SETBP1: variants seen among roughly 807,000 people sequenced by gnomAD.
SETBP1 encodes the protein SET-binding protein.
A neutral mutation model predicts 101.0 loss-of-function variants in SETBP1; 9 were observed. That is an observed-to-expected ratio of 0.09 (90% CI 0.05 to 0.16). SETBP1 has a LOEUF of 0.16. Ranked by LOEUF, SETBP1 falls within the 10% of genes least tolerant of loss-of-function variation. The probability of loss-of-function intolerance (pLI) is 1.00; values close to 1 mark genes in which losing one functional copy is unlikely to be tolerated. For missense variants in SETBP1, 1,858 were observed against 2,033.8 expected (o/e 0.91, Z 1.66); for synonymous variants, 818 against 788.5 (o/e 1.04, Z -0.63).
At chr18:45,009,931 GTCCTT>G (rs1346589196) in intron 4 of SETBP1, among the ~76,000 whole-genome samples, 1 of 152,132 alleles carries the variant, frequency 6.6e-6, no homozygotes, top group Non-Finnish European at 1.5e-5. Context: ...TTAATCACGT[GTCCTT>G]TCCTCTGATC....
chr18:45,012,161 T>C (rs2072852284), intron 4 of SETBP1, among the ~76,000 whole-genome samples: 1 of 152,130 alleles, frequency 6.6e-6, no homozygotes, highest in Non-Finnish European at 1.5e-5. Flanking sequence ...ATGACCGTCA[T>C]GAAGGAAGAG....
intron 3 of SETBP1, among the ~76,000 whole-genome samples, chr18:44,906,137 C>G (rs894104347): frequency 6.6e-6 from 1 of 152,146 alleles, no homozygotes; most frequent in Non-Finnish European, 1.5e-5. Context: ...TCACTAATAC[C>G]AAGTAAAGAC....
chr18:44,918,026 T>C (rs2070483174), intron 3 of SETBP1, among the ~76,000 whole-genome samples: 1 of 152,134 alleles, frequency 6.6e-6, no homozygotes, highest in South Asian at 2.1e-4. Flanking sequence ...CATGCCGCCC[T>C]CGGTTTGTAT....
intron 4 of SETBP1, among the ~76,000 whole-genome samples, chr18:45,029,725 T>C (rs1409916898): frequency 3.9e-5 from 6 of 152,188 alleles, no homozygotes; most frequent in Non-Finnish European, 5.9e-5. Flanking sequence ...AGGTCCTTCA[T>C]ATCACTTGTA....
chr18:44,963,981 G>GA (rs978859045), intron 4 of SETBP1, among the ~76,000 whole-genome samples: 61 of 86,646 alleles, frequency 7.0e-4, no homozygotes, highest in Admixed American at 4.7e-3. Flanking sequence ...AGAGATCCAT[G>GA]AAAAAAAAAC....
chr18:44,874,406 A>C (rs1032102906), intron 3 of SETBP1, among the ~76,000 whole-genome samples: 3 of 152,186 alleles, frequency 2.0e-5, no homozygotes, highest in African/African-American at 4.8e-5. Context: ...AAGAGTCAGA[A>C]CTGTGATAGA....
chr18:44,987,161 T>A (rs1466167161), intron 4 of SETBP1: 2 of 151,652 alleles, frequency 1.3e-5, no homozygotes, highest in African/African-American at 4.9e-5. Flanking sequence ...ATTTTAGGAG[T>A]TTTTCAGTTT....
In SETBP1 at chr18:44,799,639, G is replaced by C. The variant is rs534965355; in HGVS notation, c.487-69591G>C. 4.6e-5 allele frequency among the ~76,000 whole-genome samples: 7 copies of C among 152,308 alleles called. No individual in the cohort carries two copies. In the South Asian group the frequency reaches 1.4e-3, roughly 32 times the overall value. On this transcript the variant is annotated intron_variant, in intron 2 of 5. Coordinates refer to ENST00000649279, the MANE Select transcript of SETBP1 (RefSeq NM_015559.3). ...CACTAGGCTTGAAGAAGGAGGATCA[G>C]TTTCAGAATGTGTAGGTTTGCTGGG... is the stretch of plus-strand genomic sequence containing the variant.
At chr18:44,977,530 G>A (rs1237617306) in intron 4 of SETBP1, among the ~76,000 whole-genome samples, 1 of 152,202 alleles carries the variant, frequency 6.6e-6, no homozygotes, top group Admixed American at 6.5e-5. Flanking sequence ...CACTAGACTT[G>A]GAATTACCCT....
At chr18:44,867,647 AG>A (rs1183344252) in intron 2 of SETBP1, among the ~76,000 whole-genome samples, 1 of 151,644 alleles carries the variant, frequency 6.6e-6, no homozygotes, top group Non-Finnish European at 1.5e-5. Flanking sequence ...TTATCATCAG[AG>A]GGGTCAAACC....
upstream of SETBP1, among the ~76,000 whole-genome samples, chr18:44,680,592 C>A (rs1017090959): frequency 1.3e-5 from 2 of 152,050 alleles, no homozygotes; most frequent in African/African-American, 4.8e-5. Context: ...CCGGTCCGGG[C>A]GAGGTTGCAG....
chr18:44,738,548 C>G (rs919329219), intron 2 of SETBP1, among the ~76,000 whole-genome samples: 1 of 152,094 alleles, frequency 6.6e-6, no homozygotes, highest in Admixed American at 6.5e-5. Context: ...CCGAGGCAGG[C>G]AGATCACCTG....
At chr18:44,999,632 C>G (rs1329655703) in intron 4 of SETBP1, among the ~76,000 whole-genome samples, 1 of 152,108 alleles carries the variant, frequency 6.6e-6, no homozygotes, top group African/African-American at 2.4e-5. Flanking sequence ...TCGCAACGAC[C>G]CTTCTTACTA....
intron 2 of SETBP1, among the ~76,000 whole-genome samples, chr18:44,774,603 T>C (rs1189630609): frequency 7.2e-5 from 11 of 152,072 alleles, no homozygotes; most frequent in Admixed American, 3.9e-4. Flanking sequence ...TGGCAGTAGA[T>C]GATTTGTGGA....
intron 2 of SETBP1, among the ~76,000 whole-genome samples, chr18:44,734,025 A>G (rs574855512): frequency 9.2e-5 from 14 of 152,260 alleles, no homozygotes; most frequent in Admixed American, 6.5e-4. Context: ...GGAGTGAGTA[A>G]TGATGGGGGC....
At chr18:44,805,628 G>C (rs1294856528) in intron 2 of SETBP1, among the ~76,000 whole-genome samples, 2 of 152,076 alleles carry the variant, frequency 1.3e-5, no homozygotes, top group African/African-American at 4.8e-5. Flanking sequence ...TCCATGGTCT[G>C]TTAAACTGTT....
At chr18:44,826,129 T>G (rs565731181) in intron 2 of SETBP1, among the ~76,000 whole-genome samples, 1 of 152,208 alleles carries the variant, frequency 6.6e-6, no homozygotes, top group Non-Finnish European at 1.5e-5. Flanking sequence ...CAGAGGCCAA[T>G]AGAGTTCAAA....
intron 2 of SETBP1, among the ~76,000 whole-genome samples, chr18:44,776,250 G>A (rs16978162): frequency 0.08 from 12,170 of 152,024 alleles, 546 homozygotes; most frequent in East Asian, 0.14. Flanking sequence ...GGGCTCCACC[G>A]CGCACCCAAC....
intron 2 of SETBP1, among the ~76,000 whole-genome samples, chr18:44,728,870 GAT>G (rs764081501): frequency 2.6e-5 from 4 of 152,222 alleles, no homozygotes; most frequent in Non-Finnish European, 5.9e-5. Flanking sequence ...TTGAATGAAT[GAT>G]GCCAAAGGTG....
Sources: allele counts gnomAD v4.1 joint callset (sites outside exome capture counted in the v4.1 genomes callset), GRCh38; gene constraint gnomAD v4.1.1; transcripts MANE v1.5; gene names NCBI Gene and HGNC (gene_info 2026-07-23, HGNC 2026-07-21).